PIK3C2B: variants seen among roughly 807,000 people sequenced by gnomAD.
PIK3C2B encodes phosphatidylinositol 4-phosphate 3-kinase C2 domain-containing subunit beta.
In PIK3C2B, 83 loss-of-function variants were observed where a neutral mutation model predicts 184.3. That is an observed-to-expected ratio of 0.45 (90% CI 0.38 to 0.54). The LOEUF is 0.54. Among genes scored for constraint, PIK3C2B ranks in the 20% least tolerant of loss-of-function variants. The pLI is 0.00. For synonymous variants in PIK3C2B, 779 were observed against 837.6 expected (o/e 0.93, Z 1.21); for missense variants, 1,736 against 2,113.5 (o/e 0.82, Z 3.50).
At position 204,446,079 on chromosome 1, in the gene PIK3C2B, G is replaced by A. The variant is rs199548815; in HGVS notation, c.2555C>T (p.Ser852Leu). 3.8e-5 allele frequency: 60 copies of A among 1,599,052 alleles called. No individual in the cohort carries two copies. Among genetic ancestry groups the A allele is most frequent in the Non-Finnish European group, 4.6e-5 (54 of 1,170,212 alleles). ...GGCGCTGGCGAGCACCAGGGGGAGC[G>A]AGCTCACCTCCGAGTGGCAGTAATA... ...KRYYCHSEVS[S>L]LPLVLASAPS... Residue 852 changes from serine to leucine, a missense_variant, in exon 16 of 33, where the codon TCG becomes TTG. Ser to Leu is a moderately radical substitution (Grantham distance 145). This residue lies in a region of PIK3C2B where 609 missense variants were observed against 699.2 expected (regional missense o/e 0.87). Transcript: ENST00000684373.
At chr1:204,436,827 T>C (rs902680014) in intron 23 of PIK3C2B, among the ~76,000 whole-genome samples, 2 of 152,146 alleles carry the variant, frequency 1.3e-5, no homozygotes, top group African/African-American at 4.8e-5. Context: ...GAAAAATGCA[T>C]ATTAGCATAA....
At chr1:204,470,911 T>C (rs1238067186) in intron 1 of PIK3C2B, among the ~76,000 whole-genome samples, 2 of 152,248 alleles carry the variant, frequency 1.3e-5, no homozygotes, top group African/African-American at 4.8e-5. Context: ...TCCATTTATA[T>C]AAAATTCTGG....
rs1024040417 is a variant in PIK3C2B, at chr1:204,464,616, G to T, written c.1035-12C>A. The stretch of plus-strand genomic sequence containing the variant: ...AGCCAGATCGAAGGCTGTACAGGAA[G>T]AAAAAAAACCCTCACTGTGCCTTTA... On this transcript the variant is annotated splice_polypyrimidine_tract_variant and intron_variant, in intron 3 of 32. Transcript: ENST00000684373. The T allele has an allele frequency of 6.2e-7, 1 of 1,605,022 alleles. No individual in the cohort carries two copies. The highest frequency in any genetic ancestry group is 2.2e-5 in the East Asian group (1 of 44,824).
intron 1 of PIK3C2B, among the ~76,000 whole-genome samples, chr1:204,492,355 ACT>A (rs755611499): frequency 2.6e-5 from 4 of 152,308 alleles, no homozygotes; most frequent in Non-Finnish European, 4.4e-5. Flanking sequence ...ACACCAAGAC[ACT>A]GTTTTCTCTA....
rs1032752206 is a variant in PIK3C2B, at chr1:204,428,917, C to T, written c.4399-697G>A. The T allele has an allele frequency of 1.1e-5, 5 of 455,672 alleles. No individual in the cohort carries two copies. In the Admixed American group the frequency reaches 1.2e-4, roughly 11 times the overall value. 28.2% of individuals were successfully genotyped at this position (455,672 alleles called of 1,614,324 possible). On this transcript the variant is annotated intron_variant, in intron 29 of 32. Transcript: ENST00000684373. ...TTCTGCATGCTTGAAAGTTTTAACC[C>T]TAAAAAGTTTAAAAAGAAAAAACAG...
At chr1:204,439,738 G>A (rs1007195218) in intron 22 of PIK3C2B, among the ~76,000 whole-genome samples, 1 of 152,056 alleles carries the variant, frequency 6.6e-6, no homozygotes, top group Non-Finnish European at 1.5e-5. Flanking sequence ...GGACTCAAGC[G>A]ATCCATCTGC....
At position 204,442,577 on chromosome 1, in the gene PIK3C2B, C is replaced by T. The variant is rs759431943; in HGVS notation, c.3105G>A (p.Ser1035=). 118 of 1,554,502 alleles carry T rather than the reference C, an allele frequency of 7.6e-5. 1 individual carries two copies. In the Admixed American group the frequency reaches 1.3e-3, roughly 17 times the overall value. ...EVKQFFALNG[S]CRLPLSPSLL... ...GACTGGGGCTGAGTGGCAAGCGGCA[C>T]GAGCCATTGAGGGCAAAGAACTGCT... Residue 1035 remains serine, a synonymous_variant, in exon 20 of 33, where the codon TCG becomes TCA. Coordinates refer to ENST00000684373, the MANE Select transcript of PIK3C2B (RefSeq NM_001377334.1).
In PIK3C2B at chr1:204,469,855, T is replaced by C; in HGVS notation, c.-53A>G. 2 of 1,279,456 alleles carry C rather than the reference T, an allele frequency of 1.6e-6. No homozygotes were observed. The highest frequency in any genetic ancestry group is 2.3e-6 in the Non-Finnish European group (2 of 881,748). The allele number at this position is 1,279,456 out of a possible 1,614,324, so 79.3% of individuals were successfully genotyped here. ...AGTCTCTACTTCCTGCCAACGTCAG[T>C]TCTGGAGGGTTGTGACATGGTGTCT... On this transcript the variant is annotated 5_prime_UTR_variant, in exon 2 of 33. Coordinates refer to ENST00000684373, the MANE Select transcript of PIK3C2B (RefSeq NM_001377334.1).
At position 204,425,052 on chromosome 1, in the gene PIK3C2B, G is replaced by A. The variant is rs777178531; in HGVS notation, c.4717-12C>T. The stretch of plus-strand genomic sequence containing the variant: ...CCATCATATACCAACTGCAAACATA[G>A]AGATGGGTGAGGGAAGTGGTGAGAG... On this transcript the variant is annotated splice_polypyrimidine_tract_variant and intron_variant, in intron 32 of 32. Transcript: ENST00000684373. 19 of 1,607,814 alleles carry A rather than the reference G, an allele frequency of 1.2e-5. No homozygotes were observed. The highest frequency in any genetic ancestry group is 1.6e-5 in the Non-Finnish European group (19 of 1,175,084).
intron 1 of PIK3C2B, among the ~76,000 whole-genome samples, chr1:204,491,248 G>A (rs1012231568): frequency 1.3e-5 from 2 of 151,880 alleles, no homozygotes; most frequent in Non-Finnish European, 2.9e-5. Context: ...AATTAGCCAG[G>A]CATGGTGGCA....
chr1:204,440,597 CT>C (rs34256181), intron 21 of PIK3C2B, among the ~76,000 whole-genome samples: 30 of 123,550 alleles, frequency 2.4e-4, no homozygotes, highest in African/African-American at 5.9e-4. Context: ...ACCATCAGGC[CT>C]TTTTTTTTTT....
chr1:204,434,576 G>T lies in PIK3C2B; in HGVS notation c.3549C>A (p.Gly1183=), dbSNP rs757703176. Reference sequence around the variant, plus strand: ...CCAAGACGTACGTGGCCACGCAGCAGCCAGCGCAGGAGTAGATAAAGTTCT... The same window carrying T: ...CCAAGACGTACGTGGCCACGCAGCATCCAGCGCAGGAGTAGATAAAGTTCT... ...AVENFIYSCA[G]CCVATYVLGI... is the part of the protein sequence containing the mutation. The change falls in exon 24 of 33, where the codon GGC becomes GGA. Residue 1183 remains glycine, a synonymous_variant. Transcript: ENST00000684373. 6.2e-7 allele frequency: 1 copy of T among 1,614,098 alleles called. No homozygotes were observed. The highest frequency in any genetic ancestry group is 8.5e-7 in the Non-Finnish European group (1 of 1,179,940).
At chr1:204,440,095 C>G in intron 22 of PIK3C2B, 97 bp downstream of exon 22, 1 of 1,325,704 alleles carries the variant, frequency 7.5e-7, no homozygotes, top group East Asian at 2.6e-5. Context: ...GCCCTTTTCA[C>G]TTTCCTGGAG....
chr1:204,442,790 C>T (rs565695704), intron 19 of PIK3C2B, among the ~76,000 whole-genome samples, 157 bp from the exon 20 acceptor site: 38 of 152,302 alleles, frequency 2.5e-4, no homozygotes, highest in Admixed American at 7.2e-4. Flanking sequence ...AGGAGGACCC[C>T]CTACACCCCA....
rs543847233 is a variant in PIK3C2B at position 204,481,636 on chromosome 1, C to A, written c.-84-11750G>T. On this transcript the variant is annotated intron_variant, in intron 1 of 32. Transcript: ENST00000684373. ...GAAAAAGGAAAACAGGCCCTCTCAGCACCAGGGGGCAGCTCCGGCCCTTCC... is the reference window on the plus strand; with the variant it reads ...GAAAAAGGAAAACAGGCCCTCTCAGAACCAGGGGGCAGCTCCGGCCCTTCC... Among the ~76,000 whole-genome samples, 3 of 152,260 alleles carry A rather than the reference C, an allele frequency of 2.0e-5. No individual in the cohort carries two copies. The South Asian group carries it at 6.2e-4, about 32-fold the overall frequency.
In PIK3C2B at chr1:204,469,809, G is replaced by T. The variant is rs778277761; in HGVS notation, c.-7C>A. 1.9e-6 allele frequency: 3 copies of T among 1,602,032 alleles called. No individual in the cohort carries two copies. Among genetic ancestry groups the T allele is most frequent in the Non-Finnish European group, 2.6e-6 (3 of 1,169,146 alleles). On this transcript the variant is annotated 5_prime_UTR_variant, in exon 2 of 33. Transcript: ENST00000684373. Reference sequence around the variant, plus strand: ...TGCCCTGAGTCGAAGACATGGTGAGGATGGGGGACACAGGCAACAAAGTCT... The same window carrying T: ...TGCCCTGAGTCGAAGACATGGTGAGTATGGGGGACACAGGCAACAAAGTCT...
At chr1:204,481,972 T>G (rs1254415841) in intron 1 of PIK3C2B, among the ~76,000 whole-genome samples, 6 of 152,088 alleles carry the variant, frequency 3.9e-5, no homozygotes, top group Non-Finnish European at 8.8e-5. Context: ...CACAGGGGTG[T>G]GAGAGGTCAA....
In PIK3C2B at chr1:204,449,859, T is replaced by C. The variant is rs1654199041; in HGVS notation, c.2225A>G (p.Asn742Ser). 3 of 1,610,198 alleles carry C rather than the reference T, an allele frequency of 1.9e-6. No homozygotes were observed. The highest frequency in any genetic ancestry group is 2.5e-6 in the Non-Finnish European group (3 of 1,178,118). The change falls in exon 13 of 33, where the codon AAC becomes AGC. Residue 742 changes from asparagine to serine, a missense_variant. Asn to Ser is a conservative substitution (Grantham distance 46). Coordinates refer to ENST00000684373, the MANE Select transcript of PIK3C2B (RefSeq NM_001377334.1). ...ALGWVTTPLF[N>S]FRQVLTCGRK... ...CCTGGGGCTCACATACTGCCTGAAG[T>C]TGAAGAGTGGGGTAGTGACCCAGCC...
chr1:204,428,734 C>G (rs1329879548), intron 29 of PIK3C2B, among the ~76,000 whole-genome samples: 1 of 152,088 alleles, frequency 6.6e-6, no homozygotes, highest in Non-Finnish European at 1.5e-5. Context: ...CCACCTGCCT[C>G]GGCCTCCCAA....
Sources: gnomAD v4.1 joint callset for allele counts (sites outside exome capture counted in the v4.1 genomes callset) on GRCh38, gnomAD v4.1.1 for gene constraint, gnomAD v4.1.1 regional missense constraint, MANE v1.5 for transcripts, NCBI Gene and HGNC (gene_info 2026-07-23, HGNC 2026-07-21) for gene names.